Variants in ZC3H7A observed in about 807,000 individuals in gnomAD.
ZC3H7A encodes the protein zinc finger CCCH-type containing 7A, also known as zinc finger CCCH domain-containing protein 7A.
Under a neutral mutation model 125.5 loss-of-function variants are expected in ZC3H7A, and 44 were observed. The ratio of observed to expected loss-of-function variants is 0.35; its 90% CI spans 0.28 to 0.45. The LOEUF (loss-of-function observed/expected upper bound fraction) is 0.45, where lower values mean the gene tolerates loss of function less well. Among genes scored for constraint, ZC3H7A ranks in the 20% least tolerant of loss-of-function variants. ZC3H7A has a pLI of 1.00. For synonymous variants in ZC3H7A, 399 were observed against 391.2 expected (o/e 1.02, Z -0.23); for missense variants, 977 against 1,170.7 (o/e 0.83, Z 2.41).
chr16:11,781,417 G>C lies in ZC3H7A; in HGVS notation c.108+8C>G, dbSNP rs1414341071. 4 of 1,601,326 alleles carry C rather than the reference G, an allele frequency of 2.5e-6. 1 individual carries two copies. In the South Asian group the frequency reaches 4.5e-5, roughly 18 times the overall value. Reference sequence around the variant, plus strand: ...GAGCTTTCAAGCAGACCTTCCCGGAGTCATTACCGCATATTGCTCCTGTGT... The same window carrying C: ...GAGCTTTCAAGCAGACCTTCCCGGACTCATTACCGCATATTGCTCCTGTGT... On this transcript the variant is annotated splice_region_variant and intron_variant, in intron 3 of 22. Coordinates refer to ENST00000355758, the MANE Select transcript of ZC3H7A (RefSeq NM_014153.4).
chr16:11,795,459 G>C (rs988972822), intron 1 of ZC3H7A, among the ~76,000 whole-genome samples: 3 of 152,192 alleles, frequency 2.0e-5, no homozygotes, highest in Non-Finnish European at 4.4e-5. Context: ...TATGTGGAGA[G>C]GGAGTCTCGC....
At chr16:11,793,637 C>A (rs1567398933) in intron 1 of ZC3H7A, among the ~76,000 whole-genome samples, 2 of 152,170 alleles carry the variant, frequency 1.3e-5, no homozygotes, top group Non-Finnish European at 2.9e-5. Flanking sequence ...AAAACAACAA[C>A]TACAAAGTAG....
chr16:11,776,009 A>C (rs2053073856), intron 7 of ZC3H7A, among the ~76,000 whole-genome samples: 1 of 151,990 alleles, frequency 6.6e-6, no homozygotes, highest in South Asian at 2.1e-4. Flanking sequence ...AAAATACAAA[A>C]ATTTAACAGG....
Position 11,762,043 on chromosome 16 carries a change from C to T in ZC3H7A, c.2080G>A (p.Val694Ile). ...NLEANVPGAQ[V>I]LGNQIMPGFL... ...CCAGGCATTATTTGATTACCAAGTACCTTAAACAATTAAAAGATTCGTTTT... is the reference window on the plus strand; with the variant it reads ...CCAGGCATTATTTGATTACCAAGTATCTTAAACAATTAAAAGATTCGTTTT... The change falls in exon 18 of 23, where the codon GTA (valine) becomes ATA (isoleucine). Residue 694 changes from valine to isoleucine, a missense_variant and splice_region_variant. Physicochemically the swap from Val to Ile is conservative, Grantham distance 29. Around this residue, in one of 3 missense-constraint regions of ZC3H7A, gnomAD observed 436 missense variants for 603.2 expected, o/e 0.72. Transcript: ENST00000355758. 1.3e-6 allele frequency: 2 copies of T among 1,586,482 alleles called. No homozygotes were observed. Among genetic ancestry groups the T allele is most frequent in the Non-Finnish European group, 1.7e-6 (2 of 1,170,034 alleles).
At position 11,774,967 on chromosome 16, in the gene ZC3H7A, T is replaced by C. The variant is rs374821024; in HGVS notation, c.619+13A>G. On this transcript the variant is annotated intron_variant, in intron 8 of 22. Transcript: ENST00000355758. ...CACTATTCAAATTGTTAAGATGATA[T>C]GTGAAAACATACCTGGCTCAATATC... The C allele has an allele frequency of 6.2e-6, 10 of 1,613,924 alleles. No individual in the cohort carries two copies. In the East Asian group the frequency reaches 1.6e-4, roughly 25 times the overall value.
chr16:11,779,800 G>A (rs1016333360), intron 3 of ZC3H7A, among the ~76,000 whole-genome samples: 70 of 152,014 alleles, frequency 4.6e-4, no homozygotes, highest in Admixed American at 6.6e-5. Flanking sequence ...GTGTGTACAC[G>A]TGTGTGGGTA....
intron 1 of ZC3H7A, among the ~76,000 whole-genome samples, chr16:11,789,958 G>A (rs919905315): frequency 6.6e-5 from 10 of 151,264 alleles, no homozygotes; most frequent in African/African-American, 2.2e-4. Flanking sequence ...GCATACACCT[G>A]TAATCCCAGC....
intron 1 of ZC3H7A, among the ~76,000 whole-genome samples, chr16:11,790,887 GATAA>G (rs2053339612): frequency 6.6e-6 from 1 of 150,672 alleles, no homozygotes; most frequent in South Asian, 2.1e-4. Context: ...AAAATAAATA[GATAA>G]ATAAAACAAG....
At chr16:11,793,313 G>A (rs6498246) in intron 1 of ZC3H7A, among the ~76,000 whole-genome samples, 34,655 of 151,890 alleles carry the variant, frequency 0.23, 4,751 homozygotes, top group African/African-American at 0.38. Context: ...TGGGAGGATC[G>A]CTTCAGGCCA....
At position 11,751,559 on chromosome 16, in the gene ZC3H7A, G is replaced by A. The variant is rs1470242145; in HGVS notation, c.2727-53C>T. The A allele has an allele frequency of 1.2e-5, 18 of 1,539,784 alleles. No individual in the cohort carries two copies. The East Asian group carries it at 3.6e-4, about 31-fold the overall frequency. On this transcript the variant is annotated intron_variant, in intron 22 of 22. Coordinates refer to ENST00000355758, the MANE Select transcript of ZC3H7A (RefSeq NM_014153.4). ...TCCATATAAGTTGTTTCTAAAAATC[G>A]TGTCATGATTCTTGAAACTGTATAT...
intron 1 of ZC3H7A, among the ~76,000 whole-genome samples, chr16:11,792,735 A>G (rs6498245): frequency 0.57 from 86,315 of 152,086 alleles, 26,578 homozygotes; most frequent in East Asian, 0.84. Flanking sequence ...AGCAGAGCTC[A>G]ATTTCAAAGG....
intron 3 of ZC3H7A, among the ~76,000 whole-genome samples, chr16:11,780,845 T>C (rs1414811955): frequency 6.6e-6 from 1 of 152,128 alleles, no homozygotes; most frequent in African/African-American, 2.4e-5. Context: ...AACTGGGCTT[T>C]CTCCCTGTTC....
At chr16:11,773,069 A>G (rs1328024694) in intron 9 of ZC3H7A, among the ~76,000 whole-genome samples, 5 of 151,950 alleles carry the variant, frequency 3.3e-5, no homozygotes, top group Admixed American at 6.5e-5. Context: ...CAAGGACTCA[A>G]CTATGCTGTT....
chr16:11,788,307 C>T (rs1022952746), intron 1 of ZC3H7A, among the ~76,000 whole-genome samples: 5 of 151,878 alleles, frequency 3.3e-5, no homozygotes, highest in South Asian at 2.1e-4. Context: ...GAGATCTCCC[C>T]GAGCCATACT....
chr16:11,779,473 C>G, intron 3 of ZC3H7A, 110 bp from the exon 4 acceptor site: 4 of 899,366 alleles, frequency 4.4e-6, no homozygotes, highest in Non-Finnish European at 6.7e-6. Flanking sequence ...GACAGAACAG[C>G]AGCATTGCTC....
intron 20 of ZC3H7A, 75 bp from the exon 21 acceptor site, chr16:11,756,445 G>C: frequency 6.4e-7 from 1 of 1,557,408 alleles, no homozygotes; most frequent in Admixed American, 1.9e-5. Context: ...TGCATATTTT[G>C]TAGCAGTCAG....
chr16:11,762,576 G>T, intron 17 of ZC3H7A, 95 bp downstream of exon 17: 4 of 1,115,268 alleles, frequency 3.6e-6, no homozygotes, highest in South Asian at 1.3e-5. Context: ...AAAGTAACTG[G>T]ACTGTAAGTG....
At chr16:11,795,107 T>C (rs1043120816) in intron 1 of ZC3H7A, among the ~76,000 whole-genome samples, 1 of 152,216 alleles carries the variant, frequency 6.6e-6, no homozygotes, top group African/African-American at 2.4e-5. Context: ...CAACTATTTG[T>C]AGCCTCCAGC....
intron 1 of ZC3H7A, among the ~76,000 whole-genome samples, chr16:11,783,246 T>C (rs1020933128): frequency 2.0e-5 from 3 of 152,218 alleles, no homozygotes; most frequent in Non-Finnish European, 2.9e-5. Flanking sequence ...AAAATAATGA[T>C]ATAAAGTTAC....
Sources: gnomAD v4.1 joint callset for allele counts (sites outside exome capture counted in the v4.1 genomes callset) on GRCh38, gnomAD v4.1.1 for gene constraint, gnomAD v4.1.1 regional missense constraint, MANE v1.5 for transcripts, NCBI Gene and HGNC (gene_info 2026-07-23, HGNC 2026-07-21) for gene names.